Variants in MYT1L observed in about 807,000 individuals in gnomAD.
The protein encoded by MYT1L is myelin transcription factor 1 like, also known as myelin transcription factor 1-like protein.
MYT1L carries 12 observed loss-of-function variants against 126.7 expected under a neutral mutation model. That is an observed-to-expected ratio of 0.09 (90% CI 0.06 to 0.15). The LOEUF is 0.15. Ranked by LOEUF, MYT1L falls within the 10% of genes least tolerant of loss-of-function variation. The probability of loss-of-function intolerance (pLI) is 1.00; values close to 1 mark genes in which losing one functional copy is unlikely to be tolerated. For missense variants in MYT1L, 979 were observed against 1,585.2 expected (o/e 0.62, Z 6.49); for synonymous variants, 541 against 604.2 (o/e 0.90, Z 1.53).
In MYT1L at chr2:2,096,913, G is replaced by T. The variant is rs549758256; in HGVS notation, c.-303-42790C>A. ...TTGGGGCCCTGTGAGACTGACATGG[G>T]AGCATCAGGATAAAGTGTCGTCTTC... On this transcript the variant is annotated intron_variant, in intron 3 of 24. Coordinates refer to ENST00000647738, the MANE Select transcript of MYT1L (RefSeq NM_001303052.2). Among the ~76,000 whole-genome samples the T allele has an allele frequency of 5.1e-3, 772 of 152,284 alleles. 2 individuals carry two copies. The highest frequency in any genetic ancestry group is 7.9e-3 in the South Asian group (38 of 4,824).
rs567753619 is a variant in MYT1L, at chr2:1,806,217, C to T, written c.3172+2859G>A. Among the ~76,000 whole-genome samples the T allele has an allele frequency of 2.6e-5, 4 of 152,336 alleles. No homozygotes were observed. The East Asian group carries it at 5.8e-4, about 22-fold the overall frequency. ...TGGTGCAAACAGTGTCAGGAATCGA[C>T]AGCCCCAGGCATCAGCACACACTTG... is the stretch of plus-strand genomic sequence containing the variant. On this transcript the variant is annotated intron_variant, in intron 22 of 24. Transcript: ENST00000647738. This position sits in a 1 kb window ranked among gnomAD's most constrained non-coding sequence, Gnocchi z 4.9.
chr2:1,911,011 C>CA (rs2051890584), intron 12 of MYT1L, among the ~76,000 whole-genome samples: 2 of 152,202 alleles, frequency 1.3e-5, no homozygotes, highest in Admixed American at 1.3e-4. Flanking sequence ...TGGGTGTCTA[C>CA]ATACGTATCT....
At chr2:1,952,151 C>T (rs148673321) in intron 8 of MYT1L, among the ~76,000 whole-genome samples, 2 of 152,208 alleles carry the variant, frequency 1.3e-5, no homozygotes, top group Non-Finnish European at 2.9e-5. Context: ...AAACATTCAA[C>T]AAATAATTGT....
At chr2:2,275,208 G>A (rs2095336277) in intron 2 of MYT1L, among the ~76,000 whole-genome samples, 2 of 92,818 alleles carry the variant, frequency 2.2e-5, no homozygotes, top group South Asian at 3.6e-4. Context: ...TAAAATGTGT[G>A]TGTGTGTGTG....
chr2:2,320,779 G>A (rs987339239), intron 1 of MYT1L, among the ~76,000 whole-genome samples: 3 of 152,176 alleles, frequency 2.0e-5, no homozygotes, highest in Non-Finnish European at 2.9e-5. Context: ...AAGGAAGTCA[G>A]CAAGTCTATC....
At chr2:2,018,942 GT>G (rs1209983179) in intron 4 of MYT1L, among the ~76,000 whole-genome samples, 1 of 152,160 alleles carries the variant, frequency 6.6e-6, no homozygotes, top group East Asian at 1.9e-4. Context: ...CCGCTGATTT[GT>G]GAGTTGACAG....
intron 4 of MYT1L, among the ~76,000 whole-genome samples, chr2:2,017,422 G>C (rs1053479365): frequency 1.3e-5 from 2 of 152,232 alleles, no homozygotes; most frequent in African/African-American, 4.8e-5. Context: ...AAGCTAGCTT[G>C]AGAGATGGGC....
At chr2:1,821,993 A>G (rs1558655896) in intron 21 of MYT1L, among the ~76,000 whole-genome samples, 2 of 150,710 alleles carry the variant, frequency 1.3e-5, no homozygotes, top group African/African-American at 4.9e-5. Flanking sequence ...CAATTCAACT[A>G]CTCCTCTGTT....
At chr2:2,163,696 C>T (rs1163499594) in intron 3 of MYT1L, among the ~76,000 whole-genome samples, 2 of 151,248 alleles carry the variant, frequency 1.3e-5, no homozygotes, top group African/African-American at 4.9e-5. Context: ...TGAGATAGCG[C>T]CACTGCACTC....
intron 5 of MYT1L, among the ~76,000 whole-genome samples, chr2:1,980,607 A>C (rs1191401667): frequency 1.3e-5 from 2 of 152,110 alleles, no homozygotes; most frequent in African/African-American, 4.8e-5. Flanking sequence ...TGGGATCTTC[A>C]CAACAATTTT....
intron 2 of MYT1L, among the ~76,000 whole-genome samples, chr2:2,279,641 A>G (rs1190471429): frequency 6.6e-6 from 1 of 151,704 alleles, no homozygotes; most frequent in African/African-American, 2.4e-5. Context: ...GTCAACCAAC[A>G]CCTGTTCCAT....
At position 2,110,342 on chromosome 2, in the gene MYT1L, T is replaced by C. The variant is rs191758106; in HGVS notation, c.-303-56219A>G. On this transcript the variant is annotated intron_variant, in intron 3 of 24. Coordinates refer to ENST00000647738, the MANE Select transcript of MYT1L (RefSeq NM_001303052.2). ...TTCGAGCTCCATTTATCTGTTCCCCTTTATAGGAAATCTAAAACCACAGAA... is the reference window on the plus strand; with the variant it reads ...TTCGAGCTCCATTTATCTGTTCCCCCTTATAGGAAATCTAAAACCACAGAA... Among the ~76,000 whole-genome samples the C allele has an allele frequency of 3.9e-5, 6 of 152,256 alleles. No homozygotes were observed. The East Asian group carries it at 9.7e-4, about 25-fold the overall frequency.
At chr2:2,099,196 T>C (rs768021212) in intron 3 of MYT1L, among the ~76,000 whole-genome samples, 10 of 152,166 alleles carry the variant, frequency 6.6e-5, no homozygotes, top group Non-Finnish European at 8.8e-5. Context: ...AGAATGTAAG[T>C]TGCTGCTGCA....
At chr2:1,894,966 CAA>C (rs1420463131) in intron 14 of MYT1L, among the ~76,000 whole-genome samples, 5 of 152,230 alleles carry the variant, frequency 3.3e-5, no homozygotes, top group African/African-American at 9.7e-5. Flanking sequence ...CCAACGTCCA[CAA>C]AGAGCCTCGA....
In MYT1L at chr2:1,923,186, C is replaced by T. The variant is rs376455131; in HGVS notation, c.583G>A (p.Asp195Asn). 2 of 1,613,712 alleles carry T rather than the reference C, an allele frequency of 1.2e-6. No individual in the cohort carries two copies. Among genetic ancestry groups the T allele is most frequent in the African/African-American group, 2.7e-5 (2 of 74,906 alleles). Residue 195 changes from aspartate to asparagine, a missense_variant, in exon 10 of 25, where the codon GAC (aspartate) becomes AAC (asparagine). Asp to Asn is a conservative substitution (Grantham distance 23, BLOSUM62 1). This residue lies in a region of MYT1L where 243 missense variants were observed against 363.9 expected (regional missense o/e 0.67). Transcript: ENST00000647738. ...TTGGCCACCAGTTCATCGTAATTGTCATATTCGTCATTATTGTTATCATCC... is the reference window on the plus strand; with the variant it reads ...TTGGCCACCAGTTCATCGTAATTGTTATATTCGTCATTATTGTTATCATCC... ...EKDDNNNDEY[D>N]NYDELVAKSL...
At chr2:1,868,858 C>T (rs1254239044) in intron 18 of MYT1L, among the ~76,000 whole-genome samples, 1 of 152,236 alleles carries the variant, frequency 6.6e-6, no homozygotes, top group Non-Finnish European at 1.5e-5. Context: ...CGCTGCCAGG[C>T]ACCGAGGAGG....
intron 2 of MYT1L, among the ~76,000 whole-genome samples, chr2:2,278,818 T>C (rs980670651): frequency 6.6e-6 from 1 of 152,170 alleles, no homozygotes; most frequent in African/African-American, 2.4e-5. Flanking sequence ...AGGACAGTGG[T>C]GAACTATGAA....
At chr2:2,033,836 T>C (rs557624353) in intron 4 of MYT1L, among the ~76,000 whole-genome samples, 2 of 152,320 alleles carry the variant, frequency 1.3e-5, no homozygotes, top group South Asian at 2.1e-4. Context: ...GCCTTGGCTG[T>C]GCCCTTGTCA....
chr2:2,032,616 G>A (rs1414746111), intron 4 of MYT1L, among the ~76,000 whole-genome samples: 30 of 116,696 alleles, frequency 2.6e-4, no homozygotes, highest in African/African-American at 9.1e-4. Context: ...CACACCCCTC[G>A]CAAGTGCCTC....
Sources: gnomAD v4.1 joint callset for allele counts (sites outside exome capture counted in the v4.1 genomes callset) on GRCh38, gnomAD v4.1.1 for gene constraint, gnomAD v4.1.1 regional missense constraint, Gnocchi (gnomAD v3.1) non-coding constraint, MANE v1.5 for transcripts, NCBI Gene and HGNC (gene_info 2026-07-23, HGNC 2026-07-21) for gene names.